Variants in NUP160 observed in about 807,000 individuals in gnomAD.
NUP160 encodes nucleoporin 160.
Under a neutral mutation model 196.9 loss-of-function variants are expected in NUP160, and 94 were observed. The ratio of observed to expected loss-of-function variants is 0.48; its 90% CI spans 0.40 to 0.57. NUP160 has a LOEUF of 0.57. NUP160 is among the 20% of genes least tolerant of loss of function. The pLI, the probability that NUP160 is intolerant of heterozygous loss-of-function variation, is 0.00. For missense variants in NUP160, 1,638 were observed against 1,748.3 expected, an observed-to-expected ratio of 0.94 and a Z score of 1.13; for synonymous variants, 605 against 619.7, an observed-to-expected ratio of 0.98 and a Z score of 0.35.
chr11:47,823,833 C>A (rs1851910284), intron 7 of NUP160, among the ~76,000 whole-genome samples: 1 of 151,752 alleles, frequency 6.6e-6, no homozygotes, highest in African/African-American at 2.4e-5. Flanking sequence ...CTGCTCCTGG[C>A]CTTCCTTCCT....
At chr11:47,806,655 G>A (rs756921884) in intron 19 of NUP160, 6 of 243,602 alleles carry the variant, frequency 2.5e-5, no homozygotes, top group Non-Finnish European at 4.7e-5. Context: ...AAATTCTCCA[G>A]AATAATGGTT....
intron 23 of NUP160, among the ~76,000 whole-genome samples, chr11:47,798,855 G>A (rs1480200965): frequency 6.7e-6 from 1 of 149,100 alleles, no homozygotes; most frequent in East Asian, 2.0e-4. Flanking sequence ...GTATACAGTA[G>A]TCTCTCCGTA....
chr11:47,826,368 A>G (rs1376402716), intron 7 of NUP160, among the ~76,000 whole-genome samples: 2 of 152,226 alleles, frequency 1.3e-5, no homozygotes, highest in Non-Finnish European at 2.9e-5. Flanking sequence ...CAAAAAAGTT[A>G]TTCTGATTTT....
chr11:47,828,208 C>G (rs1253396883), intron 7 of NUP160, among the ~76,000 whole-genome samples: 1 of 152,086 alleles, frequency 6.6e-6, no homozygotes, highest in Non-Finnish European at 1.5e-5. Flanking sequence ...AAAGAAAATC[C>G]TAATGAATCC....
chr11:47,821,681 T>C, intron 9 of NUP160, 43 bp downstream of exon 9: 1 of 1,433,074 alleles, frequency 7.0e-7, no homozygotes, highest in Non-Finnish European at 9.8e-7. Flanking sequence ...TAGCATGAAA[T>C]TGCTTGGGGT....
rs200297219 is a variant in NUP160 at position 47,819,365 on chromosome 11, T to C, written c.1362+9A>G. 2 of 1,551,408 alleles carry C rather than the reference T, an allele frequency of 1.3e-6. No homozygotes were observed. The highest frequency in any genetic ancestry group is 1.7e-5 in the Admixed American group (1 of 59,572). On this transcript the variant is annotated intron_variant, in intron 10 of 35. Transcript: ENST00000378460. ...CATTCCCTTATATAACATTTGAGCA[T>C]CTACTTACTCTGGGGTCTTGATCAT...
chr11:47,848,321 T>C (rs1416208793), exon 1 of NUP160: 4 of 1,613,790 alleles, frequency 2.5e-6, no homozygotes, highest in Non-Finnish European at 3.4e-6. Context: ...GCCGCCATCT[T>C]CCCGCCGTCG....
intron 17 of NUP160, among the ~76,000 whole-genome samples, chr11:47,811,738 C>A (rs780251968): frequency 2.0e-5 from 3 of 151,994 alleles, no homozygotes; most frequent in African/African-American, 2.4e-5. Context: ...CGTAGGTAAA[C>A]GTGTGCCATG....
At chr11:47,814,069 T>C (rs1252772873) in intron 13 of NUP160, among the ~76,000 whole-genome samples, 2 of 5,658 alleles carry the variant, frequency 3.5e-4, no homozygotes, top group Non-Finnish European at 9.9e-4. Flanking sequence ...AGACTCTGTC[T>C]CAAAAAAAAA....
chr11:47,815,718 A>G, intron 12 of NUP160, 69 bp from the exon 13 acceptor site: 1 of 1,322,132 alleles, frequency 7.6e-7, no homozygotes, highest in South Asian at 1.4e-5. Context: ...CAAAAAACAT[A>G]ATTGTCCAAT....
At chr11:47,790,021 C>T (rs2097667013) in intron 29 of NUP160, among the ~76,000 whole-genome samples, 1 of 151,148 alleles carries the variant, frequency 6.6e-6, no homozygotes, top group South Asian at 2.1e-4. Context: ...TCTCGGCTCA[C>T]TGCAACCTCT....
chr11:47,813,220 C>T, intron 14 of NUP160, 96 bp downstream of exon 14: 1 of 1,056,946 alleles, frequency 9.5e-7, no homozygotes. Flanking sequence ...GTGACCAAGA[C>T]AGGTGTGGCA....
In NUP160 at chr11:47,841,388, C is replaced by T. The variant is rs142938087; in HGVS notation, c.315-800G>A. 3.4e-4 allele frequency: 156 copies of T among 453,398 alleles called. 1 individual carries two copies. The highest frequency in any genetic ancestry group is 3.0e-3 in the African/African-American group (143 of 48,042). The allele number at this position is 453,398 out of a possible 1,614,324, so 28.1% of individuals were successfully genotyped here. On this transcript the variant is annotated intron_variant, in intron 2 of 35. Coordinates refer to ENST00000378460, the Ensembl canonical transcript of NUP160. Reference sequence around the variant, plus strand: ...CCATTTTCTTATGCAAACTGTGATACAATCCTGACCAACCGCTCAGAATTC... The same window carrying T: ...CCATTTTCTTATGCAAACTGTGATATAATCCTGACCAACCGCTCAGAATTC...
exon 3 of NUP160, chr11:47,840,399 G>T: frequency 6.2e-7 from 1 of 1,613,888 alleles, no homozygotes; most frequent in Non-Finnish European, 8.5e-7. Context: ...TCCGGGAGGG[G>T]TGTGGTAAAA....
intron 10 of NUP160, among the ~76,000 whole-genome samples, chr11:47,818,865 G>A (rs1478323423): frequency 6.6e-6 from 1 of 152,156 alleles, no homozygotes; most frequent in Admixed American, 6.5e-5. Flanking sequence ...GGGATTAAGA[G>A]TGCAGTAATA....
chr11:47,802,065 C>G (rs1013245344), intron 22 of NUP160, 135 bp from the exon 23 acceptor site: 7 of 719,170 alleles, frequency 9.7e-6, no homozygotes, highest in Non-Finnish European at 1.6e-5. Flanking sequence ...TGTATAGTTT[C>G]TGACACATAT....
At chr11:47,817,965 G>T in intron 11 of NUP160, 91 bp downstream of exon 11, 1 of 677,166 alleles carries the variant, frequency 1.5e-6, no homozygotes, top group Non-Finnish European at 2.6e-6. Flanking sequence ...AGTACATTCA[G>T]TGTTTAATAT....
Position 47,807,147 on chromosome 11 carries a change from G to T in NUP160, c.2376-7C>A. 1 of 1,580,472 alleles carries T rather than the reference G, an allele frequency of 6.3e-7. No individual in the cohort carries two copies. Among genetic ancestry groups the T allele is most frequent in the Non-Finnish European group, 8.7e-7 (1 of 1,150,318 alleles). The stretch of plus-strand genomic sequence containing the variant: ...GTGTTGGAGATTAGACTCCCTGTGA[G>T]AAAAGGGGAAAAGACAGCTTAGTAA... On this transcript the variant is annotated splice_region_variant and splice_polypyrimidine_tract_variant and intron_variant, in intron 18 of 35. Coordinates refer to ENST00000378460, the Ensembl canonical transcript of NUP160.
intron 17 of NUP160, among the ~76,000 whole-genome samples, chr11:47,810,355 GC>G (rs1280233786): frequency 6.6e-6 from 1 of 151,836 alleles, no homozygotes; most frequent in Non-Finnish European, 1.5e-5. Context: ...GCTGCACCAT[GC>G]CCGGCTAATT....
Sources: allele counts gnomAD v4.1 joint callset (sites outside exome capture counted in the v4.1 genomes callset), GRCh38; gene constraint gnomAD v4.1.1; transcripts MANE v1.5; gene names NCBI Gene and HGNC (gene_info 2026-07-23, HGNC 2026-07-21).